Variants in TINAG observed in about 807,000 individuals in gnomAD.
TINAG encodes the protein tubulointerstitial nephritis antigen.
Under a neutral mutation model 72.7 loss-of-function variants are expected in TINAG, and 83 were observed. The observed-to-expected ratio is 1.14, with a 90% CI of 0.96 to 1.37. TINAG has a LOEUF of 1.37. Among genes scored for constraint, TINAG ranks in the 40% most tolerant of loss-of-function variants. The pLI is 0.00. For missense variants in TINAG, 685 were observed against 576.6 expected (o/e 1.19, Z -1.93); for synonymous variants, 234 against 189.9 (o/e 1.23, Z -1.91).
intron 1 of TINAG, among the ~76,000 whole-genome samples, chr6:54,312,425 G>A (rs1043318377): frequency 1.3e-5 from 2 of 152,172 alleles, no homozygotes; most frequent in African/African-American, 2.4e-5. Context: ...AAACAAAAAT[G>A]TATTTATTTA....
intron 4 of TINAG, among the ~76,000 whole-genome samples, chr6:54,336,929 T>G (rs758178309): frequency 5.9e-5 from 9 of 152,110 alleles, no homozygotes; most frequent in Non-Finnish European, 1.0e-4. Flanking sequence ...CAATATATAT[T>G]AAGGTATTGG....
At position 54,350,086 on chromosome 6, in the gene TINAG, G is replaced by A. The variant is rs541679510; in HGVS notation, c.1080+190G>A. Among the ~76,000 whole-genome samples the A allele has an allele frequency of 3.6e-4, 55 of 151,980 alleles. No homozygotes were observed. In the South Asian group the frequency reaches 0.011, roughly 31 times the overall value. ...ATGATGTCTTATCTTTGTAACATTA[G>A]CAGTGTAAAGGACTGACTTAAATTT... On this transcript the variant is annotated intron_variant, in intron 7 of 10. Coordinates refer to ENST00000259782, the MANE Select transcript of TINAG (RefSeq NM_014464.4).
At chr6:54,357,590 G>C (rs542898639) in intron 9 of TINAG, among the ~76,000 whole-genome samples, 2 of 151,946 alleles carry the variant, frequency 1.3e-5, no homozygotes, top group Non-Finnish European at 2.9e-5. Flanking sequence ...ATTCTCTGCT[G>C]GAAGCCTTGG....
Position 54,343,263 on chromosome 6 carries a change from T to C in TINAG, c.662T>C (p.Phe221Ser). The stretch of plus-strand genomic sequence containing the variant: ...GCAACAACTGATCTTCCAGAGTTTT[T>C]TGTTGCTTCTTATAAATGGCCTGGA... ...LPATTDLPEFFVASYKWPGWT... is the reference protein window; with the variant it reads ...LPATTDLPEFSVASYKWPGWT... The change falls in exon 5 of 11, where the codon TTT (phenylalanine) becomes TCT (serine). Residue 221 changes from phenylalanine (F) to serine (S), a missense_variant. Coordinates refer to ENST00000259782, the MANE Select transcript of TINAG (RefSeq NM_014464.4). 6 of 1,585,232 alleles carry C rather than the reference T, an allele frequency of 3.8e-6. No homozygotes were observed. The highest frequency in any genetic ancestry group is 3.5e-5 in the South Asian group (3 of 85,690).
intron 3 of TINAG, among the ~76,000 whole-genome samples, chr6:54,322,473 G>A (rs974351469): frequency 2.0e-5 from 3 of 152,124 alleles, no homozygotes; most frequent in Non-Finnish European, 4.4e-5. Context: ...ATATACCCTT[G>A]ATAACATCTT....
chr6:54,338,305 G>A (rs1784914748), intron 4 of TINAG, among the ~76,000 whole-genome samples: 1 of 152,130 alleles, frequency 6.6e-6, no homozygotes, highest in African/African-American at 2.4e-5. Context: ...TCTTCTCTAT[G>A]AAGAAGTATT....
intron 1 of TINAG, among the ~76,000 whole-genome samples, chr6:54,316,551 C>G (rs1290731334): frequency 1.3e-5 from 2 of 152,092 alleles, no homozygotes. Context: ...GGGGTGGATT[C>G]CTGATTAGAG....
At chr6:54,320,760 T>C (rs746531505) in intron 2 of TINAG, 118 bp downstream of exon 2, 114 of 676,276 alleles carry the variant, frequency 1.7e-4, no homozygotes, top group Non-Finnish European at 2.7e-4. Context: ...GAATCATACA[T>C]CATAAGACAT....
chr6:54,334,541 T>C (rs1462395961), intron 4 of TINAG, among the ~76,000 whole-genome samples: 3 of 152,204 alleles, frequency 2.0e-5, no homozygotes, highest in Non-Finnish European at 4.4e-5. Context: ...TCATTTAATT[T>C]TCCCAGCAGC....
intron 1 of TINAG, among the ~76,000 whole-genome samples, chr6:54,312,152 G>C (rs1399169573): frequency 1.3e-5 from 2 of 151,614 alleles, no homozygotes; most frequent in Non-Finnish European, 2.9e-5. Context: ...GACCTTCCCC[G>C]GGCTCAAGTG....
rs1764059614 is a variant in TINAG at position 54,385,044 on chromosome 6, G to A, written c.1296+4473G>A. ...CTACTGAATGTAATAGAAAATGCAT[G>A]CATTGGAAAAGAAGAAAGGTTAAAA... On this transcript the variant is annotated intron_variant, in intron 10 of 10. Transcript: ENST00000259782. Among the ~76,000 whole-genome samples, 3 of 152,050 alleles carry A rather than the reference G, an allele frequency of 2.0e-5. No individual in the cohort carries two copies. The South Asian group carries it at 6.2e-4, about 32-fold the overall frequency.
intron 9 of TINAG, among the ~76,000 whole-genome samples, chr6:54,372,765 TATATATAC>T (rs1763667791): frequency 8.7e-6 from 1 of 114,512 alleles, no homozygotes; most frequent in African/African-American, 4.5e-5. Flanking sequence ...TATATATATA[TATATATAC>T]ACACACACAC....
intron 4 of TINAG, among the ~76,000 whole-genome samples, chr6:54,332,362 T>G (rs1784761966): frequency 6.6e-6 from 1 of 152,014 alleles, no homozygotes; most frequent in Non-Finnish European, 1.5e-5. Flanking sequence ...AAACAAACAA[T>G]AGGGAAAGGA....
At chr6:54,315,180 TG>T (rs1562145533) in intron 1 of TINAG, among the ~76,000 whole-genome samples, 1 of 152,172 alleles carries the variant, frequency 6.6e-6, no homozygotes, top group Non-Finnish European at 1.5e-5. Flanking sequence ...TTTAGTTACA[TG>T]GGTATTGTTC....
intron 9 of TINAG, 112 bp downstream of exon 9, chr6:54,354,748 A>G: frequency 2.5e-6 from 3 of 1,190,194 alleles, no homozygotes; most frequent in Non-Finnish European, 3.5e-6. Context: ...TTGTGATACA[A>G]ATGAAAAATG....
At chr6:54,319,582 AAATATTTTTTATTAC>A (rs1406845475) in intron 1 of TINAG, among the ~76,000 whole-genome samples, 2 of 152,146 alleles carry the variant, frequency 1.3e-5, no homozygotes, top group African/African-American at 4.8e-5. Flanking sequence ...GGCAGTTATG[AAATATTTTTTATTAC>A]AATATTTTTT....
In TINAG at chr6:54,342,958, G is replaced by A. The variant is rs546987392; in HGVS notation, c.625-268G>A. 2.6e-5 allele frequency among the ~76,000 whole-genome samples: 4 copies of A among 152,156 alleles called. No homozygotes were observed. In the South Asian group the frequency reaches 8.3e-4, roughly 32 times the overall value. ...TCTGATTCAAGGTGATAGAAACATTGGCTGATATTATTGCACTGTGCAGTA... is the reference window on the plus strand; with the variant it reads ...TCTGATTCAAGGTGATAGAAACATTAGCTGATATTATTGCACTGTGCAGTA... On this transcript the variant is annotated intron_variant, in intron 4 of 10. Transcript: ENST00000259782.
At chr6:54,336,467 A>G (rs1000722928) in intron 4 of TINAG, among the ~76,000 whole-genome samples, 2 of 152,166 alleles carry the variant, frequency 1.3e-5, no homozygotes, top group Non-Finnish European at 2.9e-5. Flanking sequence ...ATGCTCTTAT[A>G]TCAAATCAAA....
At chr6:54,369,142 A>T (rs976970393) in intron 9 of TINAG, among the ~76,000 whole-genome samples, 4 of 151,930 alleles carry the variant, frequency 2.6e-5, no homozygotes, top group African/African-American at 9.7e-5. Context: ...AATTTGAAAC[A>T]TGAGCTGTAA....
Sources: allele counts gnomAD v4.1 joint callset (sites outside exome capture counted in the v4.1 genomes callset), GRCh38; gene constraint gnomAD v4.1.1; transcripts MANE v1.5; gene names NCBI Gene and HGNC (gene_info 2026-07-23, HGNC 2026-07-21).